The following KDM4C variants were observed in gnomAD, a reference collection of about 807,000 sequenced individuals.
KDM4C encodes the protein lysine-specific demethylase 4C.
In KDM4C, 81 loss-of-function variants were observed where a neutral mutation model predicts 129.3. That is an observed-to-expected ratio of 0.63 (90% confidence interval 0.52 to 0.75). The LOEUF (loss-of-function observed/expected upper bound fraction) is 0.75, where lower values mean the gene tolerates loss of function less well. Among genes scored for constraint, KDM4C ranks in the 30% least tolerant of loss-of-function variants. The pLI is 0.00. For synonymous variants in KDM4C, 573 were observed against 456.1 expected (o/e 1.26, Z -3.26); for missense variants, 1,457 against 1,304.0 (o/e 1.12, Z -1.81).
At chr9:7,049,300 A>T in intron 17 of KDM4C, 100 bp downstream of exon 17, 1 of 541,390 alleles carries the variant, frequency 1.8e-6, no homozygotes, top group African/African-American at 2.0e-5. Flanking sequence ...ATTTTCTCCT[A>T]GCTTTCTTTT....
intron 12 of KDM4C, among the ~76,000 whole-genome samples, chr9:7,002,826 C>G (rs974210354): frequency 3.7e-4 from 56 of 152,164 alleles, no homozygotes; most frequent in African/African-American, 1.3e-3. Flanking sequence ...AGATAACAGG[C>G]TTTAAATACT....
intron 19 of KDM4C, among the ~76,000 whole-genome samples, chr9:7,142,917 C>T (rs1228440263): frequency 6.6e-6 from 1 of 152,144 alleles, no homozygotes; most frequent in Non-Finnish European, 1.5e-5. Context: ...ATCATATTAA[C>T]ATGCTAAAAG....
chr9:6,806,878 G>GTCTCCGTCTCCC lies in KDM4C; in HGVS notation c.320+1109_320+1110insGTCTCCCTCTCC, dbSNP rs1354711155. Among the ~76,000 whole-genome samples, 1,053 of 139,478 alleles carry GTCTCCGTCTCCC rather than the reference G, an allele frequency of 7.5e-3. 7 individuals carry two copies. The highest frequency in any genetic ancestry group is 0.028 in the Middle Eastern group (8 of 286). 91.5% of individuals were successfully genotyped at this position (139,478 alleles called of 152,430 possible). A position where few individuals can be genotyped will look rare whatever the true frequency, so the allele number is the denominator to read the frequency against. ...ACTGTTGCTCTCCCTCTCCGTCTCC[G>GTCTCCGTCTCCC]TCTCCCTCTCCCTCTCCCTCTCCCT... On this transcript the variant is annotated intron_variant, in intron 3 of 21. Transcript: ENST00000381309.
At chr9:7,004,632 A>G (rs1036371018) in intron 12 of KDM4C, among the ~76,000 whole-genome samples, 3 of 152,214 alleles carry the variant, frequency 2.0e-5, no homozygotes, top group Non-Finnish European at 4.4e-5. Context: ...ATACTTTTGT[A>G]AAAGACATTA....
intron 15 of KDM4C, among the ~76,000 whole-genome samples, chr9:7,026,477 G>A (rs1348203608): frequency 1.3e-5 from 2 of 151,962 alleles, no homozygotes; most frequent in African/African-American, 4.8e-5. Flanking sequence ...TCCATTGAAT[G>A]TTATTTTTTT....
At chr9:7,076,659 C>A (rs1196538640) in intron 17 of KDM4C, 23 of 1,309,770 alleles carry the variant, frequency 1.8e-5, no homozygotes, top group Non-Finnish European at 2.1e-5. Flanking sequence ...TTGTATCTGT[C>A]ATTTTCCTCT....
chr9:7,100,225 C>G (rs1003434406), intron 17 of KDM4C, among the ~76,000 whole-genome samples: 1 of 152,142 alleles, frequency 6.6e-6, no homozygotes, highest in African/African-American at 2.4e-5. Flanking sequence ...AACCCTGTCT[C>G]TAATATAAAA....
chr9:7,075,716 C>A (rs1421074250), intron 17 of KDM4C, among the ~76,000 whole-genome samples: 1 of 152,080 alleles, frequency 6.6e-6, no homozygotes. Flanking sequence ...CTCAGGTATT[C>A]TGTTACAGCA....
chr9:6,886,915 G>C (rs551020446), intron 6 of KDM4C, among the ~76,000 whole-genome samples: 7 of 152,284 alleles, frequency 4.6e-5, no homozygotes, highest in Non-Finnish European at 1.0e-4. Flanking sequence ...ACCGTACCTG[G>C]CCAAATTGGT....
At chr9:6,757,930 G>A (rs187486343), upstream of KDM4C, 300 of 985,416 alleles carry the variant, frequency 3.0e-4, 1 homozygote, top group African/African-American at 5.1e-3. Context: ...ACCAAGTGCG[G>A]GCCCCAGCGG....
chr9:7,032,527 C>G (rs749485180), intron 15 of KDM4C, among the ~76,000 whole-genome samples: 9 of 152,182 alleles, frequency 5.9e-5, no homozygotes, highest in Non-Finnish European at 1.3e-4. Flanking sequence ...TTCATGTAAG[C>G]TAATATAACT....
intron 8 of KDM4C, among the ~76,000 whole-genome samples, chr9:6,905,932 A>G (rs1171876968): frequency 6.6e-6 from 1 of 152,150 alleles, no homozygotes; most frequent in Admixed American, 6.5e-5. Flanking sequence ...AAACGAAGAA[A>G]ATGATTTGGA....
chr9:6,962,339 G>C (rs904677457), intron 8 of KDM4C, among the ~76,000 whole-genome samples: 1 of 152,168 alleles, frequency 6.6e-6, no homozygotes, highest in Non-Finnish European at 1.5e-5. Context: ...ATGTAGATAA[G>C]TTATCCAGTC....
intron 8 of KDM4C, among the ~76,000 whole-genome samples, chr9:6,973,243 G>T (rs564909084): frequency 6.6e-6 from 1 of 152,256 alleles, no homozygotes; most frequent in South Asian, 2.1e-4. Flanking sequence ...GGGTCTTGCT[G>T]TGTTGCCCAG....
At chr9:6,819,896 G>GTACAAT (rs1311451799) in intron 4 of KDM4C, among the ~76,000 whole-genome samples, 45 of 152,102 alleles carry the variant, frequency 3.0e-4, no homozygotes, top group African/African-American at 1.1e-3. Context: ...GTTTCTCGTG[G>GTACAAT]TTCATGGCAT....
At chr9:6,885,756 T>A (rs1845167449) in intron 6 of KDM4C, among the ~76,000 whole-genome samples, 1 of 152,170 alleles carries the variant, frequency 6.6e-6, no homozygotes, top group African/African-American at 2.4e-5. Context: ...GGCACATACT[T>A]TGTACATAAG....
chr9:7,087,887 G>T (rs1460134000), intron 17 of KDM4C, among the ~76,000 whole-genome samples: 1 of 152,194 alleles, frequency 6.6e-6, no homozygotes, highest in South Asian at 2.1e-4. Flanking sequence ...AATTGTGTGA[G>T]AGGGCACGTA....
rs991809336 is a variant in KDM4C at position 6,728,112 on chromosome 9, T to C, written c.49+7115T>C. Among the ~76,000 whole-genome samples, 33 of 147,644 alleles carry C rather than the reference T, an allele frequency of 2.2e-4. 4 individuals carry two copies. The highest frequency in any genetic ancestry group is 1.8e-3 in the Admixed American group (26 of 14,510). ...AAAAAAAAGTGTTATACACTTGTAA[T>C]TTTATGAATGCTATGGGAACCATCC... is the stretch of plus-strand genomic sequence containing the variant. On this transcript the variant is annotated intron_variant, in intron 1 of 17. Coordinates refer to the KDM4C transcript ENST00000536108.
chr9:7,011,985 G>A (rs965552257), intron 13 of KDM4C, 106 bp downstream of exon 13: 7 of 880,850 alleles, frequency 7.9e-6, no homozygotes, highest in Non-Finnish European at 1.2e-5. Context: ...CACATAAGAA[G>A]GAAGACGTCC....
Sources: gnomAD v4.1 joint callset for allele counts (sites outside exome capture counted in the v4.1 genomes callset) on GRCh38, gnomAD v4.1.1 for gene constraint, MANE v1.5 for transcripts, NCBI Gene and HGNC (gene_info 2026-07-23, HGNC 2026-07-21) for gene names.